Variants in TYW1 observed in about 807,000 individuals in gnomAD.
The protein encoded by TYW1 is tRNA-yW synthesizing protein 1 homolog.
In TYW1, 46 loss-of-function variants were observed where a neutral mutation model predicts 96.2. The observed-to-expected ratio is 0.48, with a 90% confidence interval of 0.38 to 0.61. TYW1 has a LOEUF of 0.61. TYW1 is among the 20% of genes least tolerant of loss of function. TYW1 has a pLI of 0.00. For synonymous variants in TYW1, 274 were observed against 323.0 expected, an observed-to-expected ratio of 0.85 and a Z score of 1.63; for missense variants, 684 against 909.6, an observed-to-expected ratio of 0.75 and a Z score of 3.19.
chr7:67,108,635 T>C (rs888819478), intron 12 of TYW1, among the ~76,000 whole-genome samples: 3 of 151,498 alleles, frequency 2.0e-5, no homozygotes, highest in African/African-American at 7.3e-5. Flanking sequence ...AGAAACGGGG[T>C]TTCACCATGT....
At chr7:67,099,957 G>A (rs1797037770) in intron 12 of TYW1, among the ~76,000 whole-genome samples, 1 of 151,950 alleles carries the variant, frequency 6.6e-6, no homozygotes, top group South Asian at 2.1e-4. Context: ...AGCCGAGATC[G>A]CACCATTGCA....
intron 9 of TYW1, among the ~76,000 whole-genome samples, chr7:67,058,561 C>T (rs937787055): frequency 7.9e-5 from 12 of 152,086 alleles, no homozygotes; most frequent in Non-Finnish European, 1.6e-4. Flanking sequence ...CGGCTCACTG[C>T]AGCCTCCCAC....
intron 15 of TYW1, among the ~76,000 whole-genome samples, chr7:67,237,387 C>G (rs1486571687): frequency 7.9e-5 from 12 of 151,798 alleles, no homozygotes; most frequent in Non-Finnish European, 2.9e-5. Flanking sequence ...GTAGTCCCAG[C>G]TACTCGGGAG....
intron 12 of TYW1, among the ~76,000 whole-genome samples, chr7:67,115,472 C>A (rs1288757224): frequency 2.0e-5 from 3 of 152,140 alleles, no homozygotes; most frequent in Non-Finnish European, 4.4e-5. Flanking sequence ...TGAGAGCCTG[C>A]CAGGATCTTA....
At chr7:67,137,864 C>T (rs1435213399) in intron 13 of TYW1, among the ~76,000 whole-genome samples, 5 of 152,298 alleles carry the variant, frequency 3.3e-5, no homozygotes, top group South Asian at 4.1e-4. Flanking sequence ...TCTAAGGAGA[C>T]ATCACAGCCA....
At chr7:67,160,546 A>G (rs1213981513) in intron 13 of TYW1, among the ~76,000 whole-genome samples, 2 of 142,430 alleles carry the variant, frequency 1.4e-5, no homozygotes, top group Non-Finnish European at 2.9e-5. Context: ...ATACATATAC[A>G]TATACATATA....
chr7:67,036,279 T>C (rs1399794417), intron 7 of TYW1, among the ~76,000 whole-genome samples: 1 of 151,350 alleles, frequency 6.6e-6, no homozygotes, highest in Non-Finnish European at 1.5e-5. Flanking sequence ...ACTGGTATTA[T>C]GTGAGTGCAT....
At chr7:67,127,288 A>G (rs189451775) in intron 13 of TYW1, among the ~76,000 whole-genome samples, 73 of 151,764 alleles carry the variant, frequency 4.8e-4, no homozygotes, top group African/African-American at 1.7e-3. Context: ...CCTCCCAAGT[A>G]GCAGGGATTA....
chr7:67,020,704 G>T (rs1234433839), intron 6 of TYW1, among the ~76,000 whole-genome samples: 1 of 152,266 alleles, frequency 6.6e-6, no homozygotes, highest in Non-Finnish European at 1.5e-5. Context: ...TTCCTCTCCA[G>T]CCTCTAGCTA....
chr7:67,114,915 TC>T (rs1797545236), intron 12 of TYW1, among the ~76,000 whole-genome samples: 1 of 152,148 alleles, frequency 6.6e-6, no homozygotes, highest in Admixed American at 6.6e-5. Flanking sequence ...TGACAAGAGA[TC>T]TGTAGACTTC....
chr7:67,209,775 T>C (rs1015850014), intron 15 of TYW1, among the ~76,000 whole-genome samples: 2 of 152,130 alleles, frequency 1.3e-5, no homozygotes, highest in African/African-American at 4.8e-5. Flanking sequence ...TTTCACCATG[T>C]TGGCTAGTCT....
rs185805793 is a variant in TYW1, at chr7:67,001,121, T to C, written c.273+2167T>C. Among the ~76,000 whole-genome samples the C allele has an allele frequency of 2.4e-3, 359 of 152,268 alleles. 6 individuals carry two copies. The highest frequency in any genetic ancestry group is 9.7e-4 in the Non-Finnish European group (66 of 68,028). On this transcript the variant is annotated intron_variant, in intron 3 of 15. Coordinates refer to ENST00000359626, the MANE Select transcript of TYW1 (RefSeq NM_018264.4). Reference sequence around the variant, plus strand: ...ATGATCAAAAAGATCAAACGAATACTTGCAGATGGTAACAAATCCAGGTGT... The same window carrying C: ...ATGATCAAAAAGATCAAACGAATACCTGCAGATGGTAACAAATCCAGGTGT...
chr7:67,174,070 T>C (rs1400337006), intron 13 of TYW1, among the ~76,000 whole-genome samples: 1 of 146,248 alleles, frequency 6.8e-6, no homozygotes, highest in Non-Finnish European at 1.5e-5. Context: ...TGCACAGTGC[T>C]GGTCTTTTGT....
chr7:67,212,128 G>C (rs1020048862), intron 15 of TYW1, among the ~76,000 whole-genome samples: 1 of 151,922 alleles, frequency 6.6e-6, no homozygotes, highest in South Asian at 2.1e-4. Context: ...CGTCCCTCCC[G>C]CCAAACTTGG....
chr7:67,014,588 A>C, intron 5 of TYW1, 27 bp downstream of exon 5: 1 of 1,581,640 alleles, frequency 6.3e-7, no homozygotes, highest in South Asian at 1.2e-5. Flanking sequence ...TTATAGGAAT[A>C]AATTCTCCCC....
intron 13 of TYW1, among the ~76,000 whole-genome samples, chr7:67,132,913 C>A (rs1282265049): frequency 2.0e-5 from 3 of 152,118 alleles, no homozygotes; most frequent in Non-Finnish European, 2.9e-5. Context: ...TCTAACTCTG[C>A]AGTGAACATT....
At chr7:67,226,977 T>A (rs1027447941) in intron 15 of TYW1, among the ~76,000 whole-genome samples, 13 of 152,168 alleles carry the variant, frequency 8.5e-5, no homozygotes, top group Admixed American at 7.2e-4. Context: ...AAATAATAAT[T>A]GACACTAAGA....
intron 4 of TYW1, among the ~76,000 whole-genome samples, 181 bp from the exon 5 acceptor site, chr7:67,014,186 T>TC (rs1265959951): frequency 6.6e-6 from 1 of 152,186 alleles, no homozygotes; most frequent in African/African-American, 2.4e-5. Flanking sequence ...CTGGGTTTTC[T>TC]CCCCCGTGCA....
At chr7:67,126,779 T>C (rs561982268) in intron 13 of TYW1, among the ~76,000 whole-genome samples, 14 of 152,304 alleles carry the variant, frequency 9.2e-5, no homozygotes, top group African/African-American at 3.4e-4. Flanking sequence ...ATCAGTTGAC[T>C]ATATTTGTGT....
Sources: allele counts gnomAD v4.1 joint callset (sites outside exome capture counted in the v4.1 genomes callset), GRCh38; gene constraint gnomAD v4.1.1; transcripts MANE v1.5; gene names NCBI Gene and HGNC (gene_info 2026-07-23, HGNC 2026-07-21).